The following UGGT2 variants were observed in gnomAD, a reference collection of about 807,000 sequenced individuals.
The protein encoded by UGGT2 is UDP-glucose:glycoprotein glucosyltransferase 2.
UGGT2 carries 180 observed loss-of-function variants against 192.1 expected under a neutral mutation model. That is an observed-to-expected ratio of 0.94 (90% CI 0.83 to 1.06). The LOEUF is 1.06. Among genes scored for constraint, UGGT2 ranks in the 50% least tolerant of loss-of-function variants. The probability of loss-of-function intolerance (pLI) is 0.00; values close to 1 mark genes in which losing one functional copy is unlikely to be tolerated. For missense variants in UGGT2, 1,849 were observed against 1,795.7 expected (o/e 1.03, Z -0.54); for synonymous variants, 580 against 591.0 (o/e 0.98, Z 0.27).
intron 29 of UGGT2, among the ~76,000 whole-genome samples, chr13:95,869,398 T>C (rs1467098108): frequency 6.6e-6 from 1 of 152,188 alleles, no homozygotes; most frequent in Non-Finnish European, 1.5e-5. Context: ...TTTGGGTATA[T>C]ACCCAGTAAT....
At chr13:95,882,715 T>A (rs980956782) in intron 27 of UGGT2, among the ~76,000 whole-genome samples, 1 of 152,198 alleles carries the variant, frequency 6.6e-6, no homozygotes, top group Admixed American at 6.5e-5. Context: ...AAAGACGCTA[T>A]TAGATTTGAC....
At position 96,023,763 on chromosome 13, in the gene UGGT2, TA is replaced by T; in HGVS notation, c.242-5del. 6.3e-7 allele frequency: 1 copy of T among 1,581,830 alleles called. No homozygotes were observed. The stretch of plus-strand genomic sequence containing the variant: ...TTGTAATAAGAATAATCTGATTCTA[TA>T]AAAAGAAGTCAAAAGAAAATAAATG... On this transcript the variant is annotated splice_region_variant and splice_polypyrimidine_tract_variant and intron_variant, in intron 2 of 38. Coordinates refer to ENST00000376747, the MANE Select transcript of UGGT2 (RefSeq NM_020121.4).
At chr13:95,845,650 C>T (rs1278539973) in intron 36 of UGGT2, among the ~76,000 whole-genome samples, 12 of 152,038 alleles carry the variant, frequency 7.9e-5, no homozygotes, top group East Asian at 3.9e-4. Flanking sequence ...AAACCGCCAT[C>T]GTCATCATGG....
At chr13:96,014,445 T>C (rs892306450) in intron 4 of UGGT2, among the ~76,000 whole-genome samples, 1 of 152,188 alleles carries the variant, frequency 6.6e-6, no homozygotes, top group African/African-American at 2.4e-5. Context: ...ATATTCTAAA[T>C]CAAAATCATT....
At chr13:95,907,609 G>C (rs2048334552) in intron 20 of UGGT2, among the ~76,000 whole-genome samples, 1 of 152,170 alleles carries the variant, frequency 6.6e-6, no homozygotes, top group African/African-American at 2.4e-5. Flanking sequence ...AGGCAAAAAG[G>C]ATTTGCAGCA....
At chr13:96,049,717 C>T (rs2053428768) in intron 1 of UGGT2, among the ~76,000 whole-genome samples, 1 of 152,158 alleles carries the variant, frequency 6.6e-6, no homozygotes, top group Non-Finnish European at 1.5e-5. Flanking sequence ...CATGAGTGAA[C>T]TCCCATTCAC....
intron 38 of UGGT2, among the ~76,000 whole-genome samples, chr13:95,807,715 C>CTT (rs200081851): frequency 8.3e-5 from 4 of 48,066 alleles, no homozygotes; most frequent in Admixed American, 1.5e-4. Flanking sequence ...TCAGCCCTCA[C>CTT]CTTTTTTTTT....
intron 38 of UGGT2, among the ~76,000 whole-genome samples, chr13:95,830,028 G>A (rs1323778453): frequency 1.3e-5 from 2 of 152,186 alleles, no homozygotes; most frequent in Non-Finnish European, 2.9e-5. Flanking sequence ...AAGAAATGGG[G>A]AAAGGATTCC....
chr13:96,013,655 G>C (rs1420564210), intron 4 of UGGT2, among the ~76,000 whole-genome samples, 174 bp from the exon 5 acceptor site: 1 of 151,966 alleles, frequency 6.6e-6, no homozygotes, highest in Non-Finnish European at 1.5e-5. Flanking sequence ...AGAAAAGAAA[G>C]AAAAGAATTT....
chr13:96,053,143 G>A lies in UGGT2; in HGVS notation c.158+12C>T, dbSNP rs765053910. ...CCACACCCGCCCGGACGAGGGCCCG[G>A]CCCGCACCCACCTTGCCTCCAGCAG... On this transcript the variant is annotated intron_variant, in intron 1 of 38. Transcript: ENST00000376747. The A allele has an allele frequency of 2.7e-6, 4 of 1,498,070 alleles. No homozygotes were observed. Among genetic ancestry groups the A allele is most frequent in the Non-Finnish European group, 3.5e-6 (4 of 1,126,870 alleles). The allele number at this position is 1,498,070 out of a possible 1,614,324, so 92.8% of individuals were successfully genotyped here.
chr13:95,962,250 A>G (rs73560873), intron 12 of UGGT2, among the ~76,000 whole-genome samples: 2,546 of 152,310 alleles, frequency 0.017, 74 homozygotes, highest in African/African-American at 0.059. Flanking sequence ...TGAAATTGAT[A>G]CTAAAGAAAA....
intron 36 of UGGT2, among the ~76,000 whole-genome samples, chr13:95,838,751 C>T (rs1466628696): frequency 6.6e-6 from 1 of 152,018 alleles, no homozygotes; most frequent in African/African-American, 2.4e-5. Flanking sequence ...ACCCTTAGTT[C>T]CTTGGAATCC....
At chr13:96,009,664 C>T (rs1295103354) in intron 5 of UGGT2, among the ~76,000 whole-genome samples, 4 of 151,966 alleles carry the variant, frequency 2.6e-5, no homozygotes, top group Non-Finnish European at 4.4e-5. Context: ...AAAAATTAGC[C>T]GGGCATGTTG....
intron 38 of UGGT2, among the ~76,000 whole-genome samples, chr13:95,804,273 C>G (rs1050683214): frequency 6.6e-6 from 1 of 151,880 alleles, no homozygotes; most frequent in African/African-American, 2.4e-5. Flanking sequence ...CATGTGTATA[C>G]TGAAAATAAC....
chr13:95,859,987 C>A, intron 32 of UGGT2: 1 of 172,896 alleles, frequency 5.8e-6, no homozygotes, highest in Non-Finnish European at 1.2e-5. Flanking sequence ...CCCAGCTGTC[C>A]ATGACTGTGT....
At chr13:95,828,975 T>C (rs184382302) in intron 38 of UGGT2, among the ~76,000 whole-genome samples, 39 of 152,254 alleles carry the variant, frequency 2.6e-4, no homozygotes, top group Non-Finnish European at 3.4e-4. Flanking sequence ...TCCACCATGA[T>C]CAAGTGGGTT....
At chr13:96,009,640 T>C (rs1423176176) in intron 5 of UGGT2, among the ~76,000 whole-genome samples, 1 of 151,966 alleles carries the variant, frequency 6.6e-6, no homozygotes, top group Non-Finnish European at 1.5e-5. Flanking sequence ...ATACCCCATC[T>C]CCACTAAAAA....
intron 27 of UGGT2, among the ~76,000 whole-genome samples, chr13:95,878,434 T>G (rs1278623863): frequency 6.6e-6 from 1 of 152,178 alleles, no homozygotes; most frequent in Non-Finnish European, 1.5e-5. Flanking sequence ...AAATTTTTTT[T>G]GTAAGAAAGT....
At chr13:95,939,121 C>A (rs2049570218) in intron 16 of UGGT2, among the ~76,000 whole-genome samples, 1 of 152,212 alleles carries the variant, frequency 6.6e-6, no homozygotes, top group South Asian at 2.1e-4. Context: ...CCAGCCTTAT[C>A]TCCTCGACTG....
Sources: allele counts gnomAD v4.1 joint callset (sites outside exome capture counted in the v4.1 genomes callset), GRCh38; gene constraint gnomAD v4.1.1; transcripts MANE v1.5; gene names NCBI Gene and HGNC (gene_info 2026-07-23, HGNC 2026-07-21).